AGFG1: variants seen among roughly 807,000 people sequenced by gnomAD.
AGFG1 encodes arf-GAP domain and FG repeat-containing protein 1.
In AGFG1, 10 loss-of-function variants were observed where a neutral mutation model predicts 60.6. The observed-to-expected ratio is 0.16, with a 90% CI of 0.10 to 0.28. The LOEUF (loss-of-function observed/expected upper bound fraction) is 0.28. AGFG1 is among the 10% of genes least tolerant of loss of function. The pLI, the probability that AGFG1 is intolerant of heterozygous loss-of-function variation, is 1.00. For missense variants in AGFG1, 537 were observed against 676.5 expected (o/e 0.79, Z 2.29); for synonymous variants, 247 against 242.9 (o/e 1.02, Z -0.16).
At chr2:227,485,422 T>TTC (rs1690605407) in intron 1 of AGFG1, among the ~76,000 whole-genome samples, 1 of 131,438 alleles carries the variant, frequency 7.6e-6, no homozygotes, top group Non-Finnish European at 1.6e-5. Flanking sequence ...TTTTTTTTTT[T>TTC]CCAGTAGAGA....
In AGFG1 at chr2:227,557,486, C is replaced by T. The variant is rs1166087678; in HGVS notation, c.*2991C>T. The T allele has an allele frequency of 1.3e-5, 2 of 152,056 alleles. No homozygotes were observed. Among genetic ancestry groups the T allele is most frequent in the Non-Finnish European group, 2.9e-5 (2 of 68,012 alleles). The allele number at this position is 152,056 out of a possible 1,614,324, so 9.4% of individuals were successfully genotyped here. ...TACCACTGTACCAACATCTCTGGAGCATTTTAGTTTCAGAACCTTAACACT... is the reference window on the plus strand; with the variant it reads ...TACCACTGTACCAACATCTCTGGAGTATTTTAGTTTCAGAACCTTAACACT... On this transcript the variant is annotated 3_prime_UTR_variant, in exon 13 of 13. Coordinates refer to ENST00000310078, the MANE Select transcript of AGFG1 (RefSeq NM_004504.5).
chr2:227,517,161 A>C (rs1325804070), intron 2 of AGFG1, among the ~76,000 whole-genome samples: 1 of 152,212 alleles, frequency 6.6e-6, no homozygotes, highest in African/African-American at 2.4e-5. Flanking sequence ...AAATGTTTTC[A>C]TAATGGATTG....
At position 227,545,091 on chromosome 2, in the gene AGFG1, A is replaced by G. The variant is rs144807488; in HGVS notation, c.1379-6868A>G. On this transcript the variant is annotated intron_variant, in intron 10 of 12. Coordinates refer to ENST00000310078, the MANE Select transcript of AGFG1 (RefSeq NM_004504.5). ...TCCATTCTCCCCGTCACTTTCAGGT[A>G]TACCAATCAGACGTAGATTTGGTCT... Among the ~76,000 whole-genome samples the G allele has an allele frequency of 1.2e-4, 19 of 152,338 alleles. No homozygotes were observed. In the East Asian group the frequency reaches 3.7e-3, roughly 29 times the overall value.
intron 1 of AGFG1, among the ~76,000 whole-genome samples, chr2:227,489,687 A>C (rs2106166845): frequency 6.6e-6 from 1 of 152,346 alleles, no homozygotes; most frequent in Middle Eastern, 3.4e-3. Flanking sequence ...TGAAATTCGA[A>C]ACAAATGAAG....
intron 1 of AGFG1, among the ~76,000 whole-genome samples, chr2:227,474,029 A>G (rs1690207155): frequency 6.6e-6 from 1 of 152,220 alleles, no homozygotes; most frequent in Admixed American, 6.5e-5. Context: ...GAGAGTGCTC[A>G]TGGTTACTTT....
At chr2:227,546,020 C>G (rs1307500300) in intron 10 of AGFG1, among the ~76,000 whole-genome samples, 1 of 152,216 alleles carries the variant, frequency 6.6e-6, no homozygotes, top group Non-Finnish European at 1.5e-5. Flanking sequence ...CTCTACAAAG[C>G]TGTCAGACAG....
chr2:227,501,391 A>G (rs903396202), intron 2 of AGFG1, among the ~76,000 whole-genome samples: 11 of 152,176 alleles, frequency 7.2e-5, no homozygotes, highest in Non-Finnish European at 1.5e-4. Flanking sequence ...CAGTATATCT[A>G]TCATTAATTA....
At chr2:227,546,543 C>A (rs1026723800) in intron 10 of AGFG1, among the ~76,000 whole-genome samples, 2 of 152,198 alleles carry the variant, frequency 1.3e-5, no homozygotes, top group African/African-American at 4.8e-5. Flanking sequence ...GTTGGAAATG[C>A]AGAAATCACC....
chr2:227,532,317 T>C (rs1343687279), intron 6 of AGFG1: 3 of 761,034 alleles, frequency 3.9e-6, no homozygotes, highest in Non-Finnish European at 5.9e-6. Flanking sequence ...TGATAATCCT[T>C]CATAAAAATC....
chr2:227,534,682 A>G (rs1692257122), intron 7 of AGFG1, among the ~76,000 whole-genome samples, 163 bp from the exon 8 acceptor site: 1 of 152,180 alleles, frequency 6.6e-6, no homozygotes, highest in Non-Finnish European at 1.5e-5. Context: ...ATAACAACTA[A>G]TCCTGTCCAG....
At chr2:227,501,385 A>G (rs1288739494) in intron 2 of AGFG1, among the ~76,000 whole-genome samples, 1 of 152,178 alleles carries the variant, frequency 6.6e-6, no homozygotes, top group Non-Finnish European at 1.5e-5. Flanking sequence ...CTAACCCAGT[A>G]TATCTATCAT....
intron 1 of AGFG1, among the ~76,000 whole-genome samples, chr2:227,475,103 T>A (rs1038363151): frequency 6.6e-6 from 1 of 152,216 alleles, no homozygotes; most frequent in African/African-American, 2.4e-5. Flanking sequence ...TAAAAATCTG[T>A]CACTTTGGAT....
At position 227,515,896 on chromosome 2, in the gene AGFG1, C is replaced by T. The variant is rs188719196; in HGVS notation, c.262-4052C>T. Among the ~76,000 whole-genome samples, 135 of 152,252 alleles carry T rather than the reference C, an allele frequency of 8.9e-4. 1 individual carries two copies. Among genetic ancestry groups the T allele is most frequent in the African/African-American group, 2.9e-3 (121 of 41,546 alleles). ...TTAGTAGAATGTTGGGAGCAGAATG[C>T]AACCTTTCAGGGACTAAACTGTGAG... On this transcript the variant is annotated intron_variant, in intron 2 of 12. Transcript: ENST00000310078.
At chr2:227,496,913 T>TG in intron 2 of AGFG1, among the ~76,000 whole-genome samples, 2 of 152,338 alleles carry the variant, frequency 1.3e-5, no homozygotes, top group Middle Eastern at 6.8e-3. Flanking sequence ...TTTAAACTCT[T>TG]GGAGCATTTT....
In AGFG1 at chr2:227,534,987, C is replaced by G; in HGVS notation, c.1167C>G (p.Thr389=). 6.2e-7 allele frequency: 1 copy of G among 1,613,760 alleles called. No individual in the cohort carries two copies. The highest frequency in any genetic ancestry group is 8.5e-7 in the Non-Finnish European group (1 of 1,179,814). The change falls in exon 8 of 13, where the codon ACC becomes ACG. Residue 389 remains threonine, a synonymous_variant. Transcript: ENST00000310078. ...ELDSVFSSAA[T]SSNAYTSTSN... is the part of the protein sequence containing the mutation. ...ACAGCGTTTTCAGTTCTGCAGCCACCTCCAGTAATGCGTATACTTCCACAA... is the reference window on the plus strand; with the variant it reads ...ACAGCGTTTTCAGTTCTGCAGCCACGTCCAGTAATGCGTATACTTCCACAA...
chr2:227,537,376 A>C (rs1002095995), intron 10 of AGFG1, among the ~76,000 whole-genome samples: 2 of 152,196 alleles, frequency 1.3e-5, no homozygotes, highest in Non-Finnish European at 2.9e-5. Context: ...TAATGGAACC[A>C]TTTTATGAGA....
intron 8 of AGFG1, among the ~76,000 whole-genome samples, chr2:227,535,488 T>A (rs541688674): frequency 6.6e-6 from 1 of 152,344 alleles, no homozygotes; most frequent in African/African-American, 2.4e-5. Context: ...CATCCTCATA[T>A]TTACAAATAA....
intron 1 of AGFG1, among the ~76,000 whole-genome samples, chr2:227,487,776 A>G (rs1243231561): frequency 6.6e-6 from 1 of 152,172 alleles, no homozygotes; most frequent in African/African-American, 2.4e-5. Context: ...GAGACTACTC[A>G]TTTTCATTGC....
chr2:227,552,519 C>G lies in AGFG1; in HGVS notation c.1537+402C>G, dbSNP rs190119108. ...TTTGTGTGTGAAATAGACTACTTTT[C>G]TAATTTGGTAACTATACTGTAGTTA... is the stretch of plus-strand genomic sequence containing the variant. On this transcript the variant is annotated intron_variant, in intron 11 of 12. Coordinates refer to ENST00000310078, the MANE Select transcript of AGFG1 (RefSeq NM_004504.5). 4.1e-4 allele frequency among the ~76,000 whole-genome samples: 62 copies of G among 151,934 alleles called. 1 individual carries two copies. Among genetic ancestry groups the G allele is most frequent in the African/African-American group, 1.5e-3 (61 of 41,410 alleles).
Sources: allele counts gnomAD v4.1 joint callset (sites outside exome capture counted in the v4.1 genomes callset), GRCh38; gene constraint gnomAD v4.1.1; transcripts MANE v1.5; gene names NCBI Gene and HGNC (gene_info 2026-07-23, HGNC 2026-07-21).